The following GRAMD1B variants were observed in gnomAD, a reference collection of about 807,000 sequenced individuals.
GRAMD1B encodes protein Aster-B.
GRAMD1B carries 37 observed loss-of-function variants against 99.7 expected under a neutral mutation model. The ratio of observed to expected loss-of-function variants is 0.37; its 90% CI spans 0.29 to 0.49. The LOEUF is 0.49. Ranked by LOEUF, GRAMD1B falls within the 20% of genes least tolerant of loss-of-function variation. The pLI, the probability that GRAMD1B is intolerant of heterozygous loss-of-function variation, is 0.98. For synonymous variants in GRAMD1B, 427 were observed against 387.6 expected, an observed-to-expected ratio of 1.10 and a Z score of -1.19; for missense variants, 888 against 1,009.2, an observed-to-expected ratio of 0.88 and a Z score of 1.63.
chr11:123,576,300 T>G (rs889100010), intron 2 of GRAMD1B, among the ~76,000 whole-genome samples: 12 of 152,236 alleles, frequency 7.9e-5, no homozygotes, highest in African/African-American at 2.9e-4. Flanking sequence ...CTGACCCAGC[T>G]GAGAGGCTGC....
chr11:123,475,164 G>A (rs951970544), intron 1 of GRAMD1B, among the ~76,000 whole-genome samples: 3 of 152,164 alleles, frequency 2.0e-5, no homozygotes, highest in Non-Finnish European at 4.4e-5. Flanking sequence ...CACGTGTCCT[G>A]GGTACAGGGA....
chr11:123,404,895 G>A (rs1947801015), intron 1 of GRAMD1B, among the ~76,000 whole-genome samples: 1 of 152,188 alleles, frequency 6.6e-6, no homozygotes, highest in Admixed American at 6.5e-5. Flanking sequence ...GGGGTCGTGG[G>A]AATGTGCCCA....
At chr11:123,551,713 G>GT (rs1484131784) in intron 2 of GRAMD1B, among the ~76,000 whole-genome samples, 2 of 152,062 alleles carry the variant, frequency 1.3e-5, no homozygotes, top group African/African-American at 4.8e-5. Flanking sequence ...TGTTTTAAAG[G>GT]TCCCCAGCCC....
chr11:123,570,629 G>C (rs1189466392), intron 2 of GRAMD1B, among the ~76,000 whole-genome samples: 1 of 151,872 alleles, frequency 6.6e-6, no homozygotes, highest in Non-Finnish European at 1.5e-5. Flanking sequence ...TCACCATGTT[G>C]GTCAGGCTGG....
chr11:123,485,517 G>A (rs375494215), intron 2 of GRAMD1B, among the ~76,000 whole-genome samples: 6 of 152,286 alleles, frequency 3.9e-5, no homozygotes, highest in South Asian at 2.1e-4. Flanking sequence ...GGAGTAGAGC[G>A]TAGGTTGAAG....
At chr11:123,386,835 G>A (rs1367382924) in intron 1 of GRAMD1B, among the ~76,000 whole-genome samples, 2 of 152,244 alleles carry the variant, frequency 1.3e-5, no homozygotes, top group African/African-American at 4.8e-5. Flanking sequence ...GCTAGGCAGA[G>A]CATGCTCGGC....
At chr11:123,617,169 C>CTTTTTTT (rs34788392) in intron 17 of GRAMD1B, among the ~76,000 whole-genome samples, 20 of 133,654 alleles carry the variant, frequency 1.5e-4, no homozygotes, top group African/African-American at 2.3e-4. Context: ...TCTTTCTTTC[C>CTTTTTTT]TTTTTTTTTT....
intron 2 of GRAMD1B, among the ~76,000 whole-genome samples, chr11:123,530,507 A>G: frequency 6.6e-6 from 1 of 152,068 alleles, no homozygotes; most frequent in South Asian, 2.1e-4. Context: ...CAGCATCCTG[A>G]GTAGCTGGGA....
chr11:123,386,860 C>T (rs1947081655), intron 1 of GRAMD1B, among the ~76,000 whole-genome samples: 2 of 152,238 alleles, frequency 1.3e-5, no homozygotes, highest in Admixed American at 6.5e-5. Context: ...GAACCCCTTT[C>T]CTTGGCTGTG....
At chr11:123,504,669 C>T (rs1006924819) in intron 2 of GRAMD1B, among the ~76,000 whole-genome samples, 4 of 152,120 alleles carry the variant, frequency 2.6e-5, no homozygotes, top group Non-Finnish European at 5.9e-5. Context: ...CCAACCAGAT[C>T]AGTTTCTCTG....
chr11:123,366,426 C>T (rs914475882), intron 1 of GRAMD1B, among the ~76,000 whole-genome samples: 3 of 152,190 alleles, frequency 2.0e-5, no homozygotes, highest in Non-Finnish European at 2.9e-5. Flanking sequence ...CTCAGGACAC[C>T]GGCATGCCCC....
In GRAMD1B at chr11:123,517,108, CG is replaced by C. The variant is rs373124961; in HGVS notation, c.452+36219del. Among the ~76,000 whole-genome samples the C allele has an allele frequency of 6.2e-3, 950 of 152,160 alleles. 15 individuals carry two copies. Among genetic ancestry groups the C allele is most frequent in the African/African-American group, 0.022 (910 of 41,516 alleles). ...CTAATTTTTGTGTTTTTAGTGGAGA[CG>C]GGGTTTCACCATGTTGGCCAGGCTG... On this transcript the variant is annotated intron_variant, in intron 2 of 19. Coordinates refer to ENST00000635736, the MANE Select transcript of GRAMD1B (RefSeq NM_001387025.1).
chr11:123,472,243 GAAAAAGA>G (rs1330209817), intron 1 of GRAMD1B, among the ~76,000 whole-genome samples: 1 of 151,342 alleles, frequency 6.6e-6, no homozygotes, highest in Non-Finnish European at 1.5e-5. Flanking sequence ...AAAAAAAAGA[GAAAAAGA>G]AAAAAGAAAG....
chr11:123,488,868 C>G lies in GRAMD1B; in HGVS notation c.452+7975C>G, dbSNP rs566173369. ...ATGTGGCTCCATGTCCATGGTGCAC[C>G]CTGGTCAACAGAGGAAGGGGCGTGG... is the stretch of plus-strand genomic sequence containing the variant. On this transcript the variant is annotated intron_variant, in intron 2 of 19. Coordinates refer to ENST00000635736, the MANE Select transcript of GRAMD1B (RefSeq NM_001387025.1). Among the ~76,000 whole-genome samples the G allele has an allele frequency of 9.3e-4, 142 of 152,242 alleles. 1 individual carries two copies. Among genetic ancestry groups the G allele is most frequent in the Non-Finnish European group, 1.2e-3 (80 of 68,020 alleles).
chr11:123,512,658 A>G (rs1380522130), intron 2 of GRAMD1B, among the ~76,000 whole-genome samples: 1 of 143,292 alleles, frequency 7.0e-6, no homozygotes, highest in Non-Finnish European at 1.5e-5. Context: ...AGAGAATCTG[A>G]TTGGCTAACA....
In GRAMD1B at chr11:123,387,337, C is replaced by T. The variant is rs115907208; in HGVS notation, c.-176+28538C>T. Among the ~76,000 whole-genome samples the T allele has an allele frequency of 1.4e-3, 211 of 152,234 alleles. 2 individuals are homozygous for T. The highest frequency in any genetic ancestry group is 5.0e-3 in the African/African-American group (208 of 41,522). On this transcript the variant is annotated intron_variant, in intron 1 of 20. Coordinates refer to the GRAMD1B transcript ENST00000638157. ...GGCTCGCAGTGGATGCCACGCACTC[C>T]AGAAAGGCAGCGTGTTTGCTGACAC...
At chr11:123,585,755 C>T (rs1311165892) in intron 4 of GRAMD1B, among the ~76,000 whole-genome samples, 1 of 152,180 alleles carries the variant, frequency 6.6e-6, no homozygotes, top group African/African-American at 2.4e-5. Context: ...AAACTCAGGC[C>T]CCCATAGGGG....
chr11:123,483,755 C>G (rs1207641702), intron 2 of GRAMD1B, among the ~76,000 whole-genome samples: 1 of 152,026 alleles, frequency 6.6e-6, no homozygotes, highest in African/African-American at 2.4e-5. Flanking sequence ...TAATCTCTCC[C>G]CTTCATAGGA....
intron 1 of GRAMD1B, among the ~76,000 whole-genome samples, chr11:123,416,223 G>A (rs2135997281): frequency 6.6e-6 from 1 of 152,280 alleles, no homozygotes; most frequent in Non-Finnish European, 1.5e-5. Flanking sequence ...AATGAAAGGT[G>A]TAGAAAGATC....
Sources: allele counts gnomAD v4.1 joint callset (sites outside exome capture counted in the v4.1 genomes callset), GRCh38; gene constraint gnomAD v4.1.1; transcripts MANE v1.5; gene names NCBI Gene and HGNC (gene_info 2026-07-23, HGNC 2026-07-21).